The following WSCD2 variants were observed in gnomAD, a reference collection of about 807,000 sequenced individuals.
The protein encoded by WSCD2 is sialate:O-sulfotransferase 2.
In WSCD2, 28 loss-of-function variants were observed where a neutral mutation model predicts 55.7. The ratio of observed to expected loss-of-function variants is 0.50; its 90% CI spans 0.37 to 0.69. The LOEUF is 0.69. Ranked by LOEUF, WSCD2 falls within the 30% of genes least tolerant of loss-of-function variation. WSCD2 has a pLI of 0.00. For missense variants in WSCD2, 616 were observed against 762.1 expected (o/e 0.81, Z 2.26); for synonymous variants, 301 against 301.9 (o/e 1.00, Z 0.03).
chr12:108,246,848 G>C (rs1477846591), intron 8 of WSCD2, among the ~76,000 whole-genome samples: 1 of 152,028 alleles, frequency 6.6e-6, no homozygotes, highest in Non-Finnish European at 1.5e-5. Flanking sequence ...TGAGTGCTGT[G>C]GGGGGCTGCA....
chr12:108,157,568 C>A (rs1878646931), intron 1 of WSCD2, among the ~76,000 whole-genome samples: 1 of 152,090 alleles, frequency 6.6e-6, no homozygotes, highest in African/African-American at 2.4e-5. Context: ...AAATTAATTA[C>A]TTTAGCTTCC....
intron 1 of WSCD2, among the ~76,000 whole-genome samples, chr12:108,149,636 C>A (rs1877759466): frequency 6.6e-6 from 1 of 152,224 alleles, no homozygotes; most frequent in Admixed American, 6.5e-5. Context: ...ATAGCCCCAA[C>A]AAGATGGTGA....
intron 4 of WSCD2, among the ~76,000 whole-genome samples, chr12:108,219,580 G>A (rs1887243391): frequency 6.6e-6 from 1 of 152,012 alleles, no homozygotes; most frequent in Admixed American, 6.6e-5. Context: ...TTAATGCACA[G>A]ACACACACAA....
chr12:108,197,976 C>T (rs1219196470), intron 2 of WSCD2, among the ~76,000 whole-genome samples: 2 of 149,236 alleles, frequency 1.3e-5, no homozygotes, highest in Non-Finnish European at 3.0e-5. Context: ...TCCCTTCTTC[C>T]TTTCCTTCAA....
chr12:108,187,884 G>A (rs1882704207), intron 1 of WSCD2, among the ~76,000 whole-genome samples: 1 of 152,078 alleles, frequency 6.6e-6, no homozygotes, highest in South Asian at 2.1e-4. Flanking sequence ...CCCTTTCCAC[G>A]TTTCCTCTCC....
intron 2 of WSCD2, among the ~76,000 whole-genome samples, chr12:108,204,420 T>TA (rs1885074003): frequency 1.3e-5 from 2 of 152,102 alleles, no homozygotes; most frequent in South Asian, 4.2e-4. Flanking sequence ...CCCTCTTGCC[T>TA]ATCCTACAAT....
At chr12:108,197,964 G>C (rs1281088354) in intron 2 of WSCD2, among the ~76,000 whole-genome samples, 1 of 148,514 alleles carries the variant, frequency 6.7e-6, no homozygotes, top group Admixed American at 6.8e-5. Context: ...TGTTTGCATA[G>C]CTCCCTTCTT....
At chr12:108,149,263 C>T (rs1035202836) in intron 1 of WSCD2, among the ~76,000 whole-genome samples, 3 of 152,218 alleles carry the variant, frequency 2.0e-5, no homozygotes, top group African/African-American at 7.2e-5. Context: ...CATTGGGAAA[C>T]CTCTGAGCAA....
At chr12:108,136,604 T>G (rs1386819443) in intron 1 of WSCD2, among the ~76,000 whole-genome samples, 1 of 152,102 alleles carries the variant, frequency 6.6e-6, no homozygotes, top group Non-Finnish European at 1.5e-5. Flanking sequence ...TCCTGTGAGT[T>G]AAGGGACCCC....
Position 108,241,319 on chromosome 12 carries a change from G to A in WSCD2, c.1345+775G>A, listed in dbSNP as rs76721607. Among the ~76,000 whole-genome samples the A allele has an allele frequency of 0.015, 2,271 of 152,324 alleles. 155 individuals are homozygous for A. In the East Asian group the frequency reaches 0.21, roughly 14 times the overall value. On this transcript the variant is annotated intron_variant, in intron 8 of 8. Coordinates refer to ENST00000547525, the MANE Select transcript of WSCD2 (RefSeq NM_014653.4). Reference sequence around the variant, plus strand: ...TTTCAATGCAGAGCAGCCACCCAGGGCAGTGGCCAGAGCTTTGAAGTCAGA... The same window carrying A: ...TTTCAATGCAGAGCAGCCACCCAGGACAGTGGCCAGAGCTTTGAAGTCAGA...
chr12:108,199,748 A>G (rs540477566), intron 2 of WSCD2, among the ~76,000 whole-genome samples: 42 of 152,316 alleles, frequency 2.8e-4, no homozygotes, highest in African/African-American at 9.9e-4. Context: ...TACAGGAGGG[A>G]AAGTCAGGCA....
intron 1 of WSCD2, among the ~76,000 whole-genome samples, chr12:108,135,580 G>A (rs562941471): frequency 1.3e-5 from 2 of 152,296 alleles, no homozygotes; most frequent in East Asian, 3.9e-4. Context: ...GCAATGCAGA[G>A]ATAAGAGAAA....
chr12:108,131,138 C>T (rs970170553), intron 1 of WSCD2, among the ~76,000 whole-genome samples: 1 of 152,158 alleles, frequency 6.6e-6, no homozygotes, highest in Non-Finnish European at 1.5e-5. Flanking sequence ...CCCAAGAATT[C>T]CTCCAGGGCG....
At chr12:108,216,074 A>C (rs975960894) in intron 4 of WSCD2, among the ~76,000 whole-genome samples, 1 of 152,180 alleles carries the variant, frequency 6.6e-6, no homozygotes, top group Admixed American at 6.5e-5. Context: ...GGTAGCTGGA[A>C]TGGGGGTCTA....
chr12:108,138,370 G>A (rs1037411830), intron 1 of WSCD2, among the ~76,000 whole-genome samples: 4 of 152,192 alleles, frequency 2.6e-5, no homozygotes, highest in Admixed American at 2.0e-4. Context: ...TGCCTTAGGA[G>A]TGAGGGCTAA....
At chr12:108,186,685 C>T (rs1409456627) in intron 1 of WSCD2, among the ~76,000 whole-genome samples, 1 of 152,194 alleles carries the variant, frequency 6.6e-6, no homozygotes. Context: ...CTGAATAATA[C>T]TCCACTGTCT....
At chr12:108,143,517 T>C (rs182134188) in intron 1 of WSCD2, among the ~76,000 whole-genome samples, 7 of 152,288 alleles carry the variant, frequency 4.6e-5, no homozygotes, top group Non-Finnish European at 1.0e-4. Context: ...CAACAAGCCA[T>C]CTAGTCCCCA....
intron 7 of WSCD2, among the ~76,000 whole-genome samples, chr12:108,238,822 A>C (rs1889473445): frequency 6.6e-6 from 1 of 152,202 alleles, no homozygotes; most frequent in Non-Finnish European, 1.5e-5. Flanking sequence ...GGGCACTTAG[A>C]GGGTGAAGGA....
intron 1 of WSCD2, among the ~76,000 whole-genome samples, chr12:108,133,247 T>C (rs114559665): frequency 1.8e-3 from 268 of 152,290 alleles, no homozygotes; most frequent in African/African-American, 6.2e-3. Context: ...AGCGTACATT[T>C]GAGTGTGTCT....
Sources: gnomAD v4.1 joint callset for allele counts (sites outside exome capture counted in the v4.1 genomes callset) on GRCh38, gnomAD v4.1.1 for gene constraint, MANE v1.5 for transcripts, NCBI Gene and HGNC (gene_info 2026-07-23, HGNC 2026-07-21) for gene names.